The following IFI16 variants were observed in gnomAD, a reference collection of about 807,000 sequenced individuals.
IFI16 encodes gamma-interferon-inducible protein 16.
Under a neutral mutation model 68.4 loss-of-function variants are expected in IFI16, and 49 were observed. The observed-to-expected ratio is 0.72, with a 90% CI of 0.57 to 0.91. IFI16 has a LOEUF of 0.91. Ranked by LOEUF, IFI16 falls within the 40% of genes least tolerant of loss-of-function variation. The probability of loss-of-function intolerance (pLI) is 0.00; values close to 1 mark genes in which losing one functional copy is unlikely to be tolerated. For synonymous variants in IFI16, 307 were observed against 315.0 expected (o/e 0.97, Z 0.27); for missense variants, 878 against 942.9 (o/e 0.93, Z 0.90).
chr1:159,019,584 A>G (rs1438809440), intron 5 of IFI16, among the ~76,000 whole-genome samples: 1 of 151,334 alleles, frequency 6.6e-6, no homozygotes, highest in African/African-American at 2.4e-5. Flanking sequence ...TCAGCTTCCC[A>G]AGTAGCTGGG....
chr1:159,018,176 C>A, intron 4 of IFI16, 53 bp from the exon 5 acceptor site: 3 of 1,475,162 alleles, frequency 2.0e-6, no homozygotes, highest in Admixed American at 1.8e-5. Flanking sequence ...AATAGCAGTT[C>A]TGTATTTCTC....
upstream of IFI16, among the ~76,000 whole-genome samples, chr1:159,003,613 C>A (rs893242712): frequency 6.6e-6 from 1 of 151,076 alleles, no homozygotes; most frequent in Non-Finnish European, 1.5e-5. Context: ...GGTATTTGCA[C>A]CATAAACTTC....
chr1:159,032,503 A>G (rs761968721), intron 6 of IFI16, 21 bp from the exon 7 acceptor site: 28 of 1,498,868 alleles, frequency 1.9e-5, no homozygotes, highest in Non-Finnish European at 2.5e-5. Flanking sequence ...AAACCATTAA[A>G]CAGAAAATGA....
chr1:159,050,283 G>A, intron 9 of IFI16, among the ~76,000 whole-genome samples: 1 of 148,986 alleles, frequency 6.7e-6, no homozygotes, highest in East Asian at 1.9e-4. Context: ...TTGGCTTTAT[G>A]TTGTTTCCAG....
In IFI16 at chr1:159,054,981, T is replaced by C; in HGVS notation, c.*80T>C. 4 of 700,030 alleles carry C rather than the reference T, an allele frequency of 5.7e-6. No homozygotes were observed. The highest frequency in any genetic ancestry group is 3.9e-4 in the Middle Eastern group (1 of 2,560). The allele number at this position is 700,030 out of a possible 1,614,324, so 43.4% of individuals were successfully genotyped here. A position where few individuals can be genotyped will look rare whatever the true frequency, so the allele number is the denominator to read the frequency against. On this transcript the variant is annotated 3_prime_UTR_variant, in exon 12 of 12. Transcript: ENST00000295809. Reference sequence around the variant, plus strand: ...AAAATGTACATATACCTGGTTGAAATACAACACTATACATACACACCACCA... The same window carrying C: ...AAAATGTACATATACCTGGTTGAAACACAACACTATACATACACACCACCA...
chr1:159,014,587 C>A, intron 1 of IFI16, 74 bp from the exon 2 acceptor site: 1 of 938,564 alleles, frequency 1.1e-6, no homozygotes, highest in Non-Finnish European at 1.6e-6. Context: ...ATGGGCCACT[C>A]ACTCACATAG....
intron 7 of IFI16, among the ~76,000 whole-genome samples, chr1:159,043,123 G>T (rs1184134367): frequency 3.3e-5 from 5 of 152,004 alleles, no homozygotes; most frequent in Non-Finnish European, 7.4e-5. Flanking sequence ...CATTTTTTTG[G>T]TTATTAATTT....
chr1:159,022,699 T>C lies in IFI16; in HGVS notation c.1161+2170T>C, dbSNP rs537470419. Among the ~76,000 whole-genome samples the C allele has an allele frequency of 3.3e-5, 5 of 152,360 alleles. No individual in the cohort carries two copies. The East Asian group carries it at 7.7e-4, about 23-fold the overall frequency. On this transcript the variant is annotated intron_variant, in intron 6 of 11. Transcript: ENST00000295809. ...CAGTATAAGCATGTTAGGGCAAATA[T>C]TTAGGCTAAATTGTGGGAGCTAAGA...
intron 2 of IFI16, among the ~76,000 whole-genome samples, chr1:159,015,399 A>C (rs1048302698): frequency 1.3e-5 from 2 of 152,176 alleles, no homozygotes; most frequent in Admixed American, 6.5e-5. Context: ...CTCTCTTGTT[A>C]TATCAAGTTA....
chr1:159,007,087 G>A (rs906146171), upstream of IFI16, among the ~76,000 whole-genome samples: 3 of 152,176 alleles, frequency 2.0e-5, no homozygotes, highest in African/African-American at 4.8e-5. Flanking sequence ...CAAGTGTGAC[G>A]AAAAAGATAA....
intron 7 of IFI16, among the ~76,000 whole-genome samples, chr1:159,035,246 T>G (rs1654253946): frequency 1.3e-5 from 2 of 152,158 alleles, no homozygotes; most frequent in African/African-American, 4.8e-5. Flanking sequence ...GCAGGTGTTA[T>G]TTGAAGAACA....
intron 6 of IFI16, among the ~76,000 whole-genome samples, chr1:159,028,390 CA>C (rs572935539): frequency 8.9e-4 from 135 of 151,908 alleles, no homozygotes; most frequent in African/African-American, 3.1e-3. Flanking sequence ...GATATAATTT[CA>C]ATTTTTTTTT....
At chr1:159,029,376 T>A (rs967007297) in intron 6 of IFI16, among the ~76,000 whole-genome samples, 3 of 152,208 alleles carry the variant, frequency 2.0e-5, no homozygotes, top group African/African-American at 7.2e-5. Flanking sequence ...TCTGATAGGT[T>A]CCTTTATAAA....
chr1:159,003,522 G>GA (rs1652134821), upstream of IFI16, among the ~76,000 whole-genome samples: 1 of 151,968 alleles, frequency 6.6e-6, no homozygotes, highest in African/African-American at 2.4e-5. Context: ...TCTTAGGCTG[G>GA]AATCACGTTT....
At chr1:159,037,722 T>C (rs1654408481) in intron 7 of IFI16, among the ~76,000 whole-genome samples, 1 of 152,202 alleles carries the variant, frequency 6.6e-6, no homozygotes, top group Non-Finnish European at 1.5e-5. Flanking sequence ...AAGACAGTTT[T>C]ATCAATGCTA....
At chr1:159,036,323 T>C (rs1215050206) in intron 7 of IFI16, among the ~76,000 whole-genome samples, 3 of 152,190 alleles carry the variant, frequency 2.0e-5, no homozygotes, top group African/African-American at 7.2e-5. Flanking sequence ...ACAAAGACAG[T>C]GAGTGTGCTA....
intron 9 of IFI16, among the ~76,000 whole-genome samples, chr1:159,050,396 A>C (rs1655273819): frequency 6.6e-6 from 1 of 152,140 alleles, no homozygotes; most frequent in Admixed American, 6.5e-5. Flanking sequence ...GGTTCTGTGC[A>C]CCTTGTGTCA....
In IFI16 at chr1:159,015,918, T is replaced by C. The variant is rs781285207; in HGVS notation, c.312T>C (p.Ala104=). 3.7e-6 allele frequency: 6 copies of C among 1,614,120 alleles called. No homozygotes were observed. The highest frequency in any genetic ancestry group is 1.3e-5 in the African/African-American group (1 of 75,054). Residue 104 remains alanine, a synonymous_variant, in exon 3 of 12, where the codon GCT becomes GCC. Coordinates refer to ENST00000295809, the MANE Select transcript of IFI16 (RefSeq NM_001376587.1). ...LSRKRKKEVD[A]TSPAPSTSST... The stretch of plus-strand genomic sequence containing the variant: ...GAAAGAGGAAGAAGGAAGTGGATGC[T>C]ACTTCACCTGCACCCTCCACAAGCA...
chr1:159,026,189 T>G (rs903098979), intron 6 of IFI16, among the ~76,000 whole-genome samples: 1 of 147,518 alleles, frequency 6.8e-6, no homozygotes, highest in Non-Finnish European at 1.5e-5. Context: ...CATATGAATT[T>G]TAGGATTTTT....
Sources: gnomAD v4.1 joint callset for allele counts (sites outside exome capture counted in the v4.1 genomes callset) on GRCh38, gnomAD v4.1.1 for gene constraint, MANE v1.5 for transcripts, NCBI Gene and HGNC (gene_info 2026-07-23, HGNC 2026-07-21) for gene names.